Variants in TMTC4 observed in about 807,000 individuals in gnomAD.
TMTC4 encodes protein O-mannosyl-transferase TMTC4.
A neutral mutation model predicts 86.0 loss-of-function variants in TMTC4; 65 were observed. The observed-to-expected ratio is 0.76, with a 90% CI of 0.62 to 0.93. The LOEUF (loss-of-function observed/expected upper bound fraction) is 0.93. Ranked by LOEUF, TMTC4 falls within the 40% of genes least tolerant of loss-of-function variation. The pLI is 0.00. For missense variants in TMTC4, 866 were observed against 948.1 expected, an observed-to-expected ratio of 0.91 and a Z score of 1.14; for synonymous variants, 379 against 382.5, an observed-to-expected ratio of 0.99 and a Z score of 0.11.
At chr13:100,637,394 G>C in intron 9 of TMTC4, 144 bp downstream of exon 9, 1 of 1,111,708 alleles carries the variant, frequency 9.0e-7, no homozygotes, top group Non-Finnish European at 1.3e-6. Flanking sequence ...AACATCTTTA[G>C]TGATCGCAAG....
chr13:100,663,274 T>G (rs1886014016), intron 4 of TMTC4, 94 bp from the exon 5 acceptor site: 1 of 1,107,660 alleles, frequency 9.0e-7, no homozygotes, highest in East Asian at 2.5e-5. Flanking sequence ...GTGGAAATAT[T>G]AAAAGGAGAA....
At chr13:100,610,724 T>C (rs1215850560) in intron 17 of TMTC4, among the ~76,000 whole-genome samples, 4 of 152,200 alleles carry the variant, frequency 2.6e-5, no homozygotes, top group Non-Finnish European at 5.9e-5. Context: ...ATCCCCTTAA[T>C]AGAAATTCCA....
At chr13:100,637,111 T>C (rs571033011) in intron 9 of TMTC4, among the ~76,000 whole-genome samples, 2 of 152,208 alleles carry the variant, frequency 1.3e-5, no homozygotes, top group Non-Finnish European at 2.9e-5. Flanking sequence ...CTCTATGAAA[T>C]GCACAGCTAA....
At position 100,642,112 on chromosome 13, in the gene TMTC4, G is replaced by A. The variant is rs982831125; in HGVS notation, c.741+99C>T. 61 of 1,242,028 alleles carry A rather than the reference G, an allele frequency of 4.9e-5. No individual in the cohort carries two copies. The East Asian group carries it at 7.2e-4, about 15-fold the overall frequency. 76.9% of individuals were successfully genotyped at this position (1,242,028 alleles called of 1,614,324 possible). A position where few individuals can be genotyped will look rare whatever the true frequency, so the allele number is the denominator to read the frequency against. On this transcript the variant is annotated intron_variant, in intron 7 of 18. Transcript: ENST00000342624. ...CTCAGGCCAGCAATGGGATGTAGGC[G>A]TGGAGAACGCCACAGAGGCAGGGCC... is the stretch of plus-strand genomic sequence containing the variant.
At chr13:100,616,873 T>G (rs531898746) in intron 15 of TMTC4, among the ~76,000 whole-genome samples, 1 of 152,216 alleles carries the variant, frequency 6.6e-6, no homozygotes, top group East Asian at 1.9e-4. Context: ...GCTGTTTTTT[T>G]GCTTGTTGAT....
Position 100,623,640 on chromosome 13 carries a change from G to GTTTTTTTTTTTTTTTTTTTT in TMTC4, c.1836+1894_1836+1895insAAAAAAAAAAAAAAAAAAAA, listed in dbSNP as rs71200708. Among the ~76,000 whole-genome samples the GTTTTTTTTTTTTTTTTTTTT allele has an allele frequency of 2.1e-5, 2 of 96,166 alleles. 1 individual carries two copies. 63.1% of individuals were successfully genotyped at this position (96,166 alleles called of 152,430 possible). A position where few individuals can be genotyped will look rare whatever the true frequency, so the allele number is the denominator to read the frequency against. On this transcript the variant is annotated intron_variant, in intron 15 of 18. Coordinates refer to ENST00000342624, the MANE Select transcript of TMTC4 (RefSeq NM_032813.5). ...GTCAGTTTTGGAAACTACTAGTTGG[G>GTTTTTTTTTTTTTTTTTTTT]TTTTGTTTTTTTTTTTTTTTTTTTT...
intron 15 of TMTC4, chr13:100,625,236 C>T: frequency 1.1e-5 from 4 of 349,206 alleles, no homozygotes; most frequent in Non-Finnish European, 2.1e-5. Flanking sequence ...CAGGAAGTTA[C>T]CCATTGGAGT....
Position 100,617,127 on chromosome 13 carries a change from A to ATTTTTT in TMTC4, c.1837-2703_1837-2698dup, listed in dbSNP as rs35707709. ...AGTGTTTCCTAGGTTTTCTTCTAGG[A>ATTTTTT]TTTTTTTTTTTTTAAAGACAGGGTC... On this transcript the variant is annotated intron_variant, in intron 15 of 18. Transcript: ENST00000342624. Among the ~76,000 whole-genome samples, 548 of 147,858 alleles carry ATTTTTT rather than the reference A, an allele frequency of 3.7e-3. 2 individuals are homozygous for ATTTTTT. The highest frequency in any genetic ancestry group is 0.013 in the African/African-American group (526 of 40,304).
At chr13:100,672,867 C>T (rs1243688042) in intron 1 of TMTC4, among the ~76,000 whole-genome samples, 7 of 152,164 alleles carry the variant, frequency 4.6e-5, no homozygotes, top group Non-Finnish European at 1.0e-4. Context: ...CTAGGTTGAA[C>T]TTTCTGGTCC....
intron 12 of TMTC4, among the ~76,000 whole-genome samples, chr13:100,627,428 T>C (rs1880724433): frequency 6.6e-6 from 1 of 152,138 alleles, no homozygotes; most frequent in Admixed American, 6.5e-5. Flanking sequence ...GCAGGGCTGG[T>C]CCCATCACCG....
chr13:100,674,451 C>G (rs1280908031), intron 1 of TMTC4: 1 of 902,320 alleles, frequency 1.1e-6, no homozygotes, highest in East Asian at 1.2e-4. Flanking sequence ...GGGGCGGCGA[C>G]CTCTGCCCGG....
At chr13:100,612,983 A>AT (rs1419029727) in intron 16 of TMTC4, among the ~76,000 whole-genome samples, 1 of 152,222 alleles carries the variant, frequency 6.6e-6, no homozygotes, top group Non-Finnish European at 1.5e-5. Flanking sequence ...TTACTGACAC[A>AT]TAACTGTACA....
At chr13:100,633,215 A>C (rs1381761487) in intron 12 of TMTC4, among the ~76,000 whole-genome samples, 1 of 147,520 alleles carries the variant, frequency 6.8e-6, no homozygotes, top group South Asian at 2.2e-4. Context: ...AGGCTGAGGC[A>C]GGAGAATCGC....
At chr13:100,673,559 C>T (rs889258102) in intron 1 of TMTC4, among the ~76,000 whole-genome samples, 1 of 152,214 alleles carries the variant, frequency 6.6e-6, no homozygotes, top group African/African-American at 2.4e-5. Context: ...GACCCTGGGC[C>T]CCTCAAGGCA....
chr13:100,637,385 A>C (rs565348696), intron 9 of TMTC4, among the ~76,000 whole-genome samples, 153 bp downstream of exon 9: 5 of 152,274 alleles, frequency 3.3e-5, no homozygotes, highest in East Asian at 1.9e-4. Flanking sequence ...TCATCCCAGA[A>C]CATCTTTAGT....
intron 17 of TMTC4, among the ~76,000 whole-genome samples, chr13:100,607,614 A>C (rs1876864539): frequency 6.7e-6 from 1 of 149,864 alleles, no homozygotes; most frequent in Admixed American, 6.6e-5. Context: ...GTCATACATG[A>C]ATTTTTTCCA....
At chr13:100,614,926 C>T in intron 15 of TMTC4, 1 of 985,330 alleles carries the variant, frequency 1.0e-6, no homozygotes, top group South Asian at 4.7e-5. Context: ...GTGTCCAATT[C>T]ACCTTGTGAA....
chr13:100,662,084 G>A (rs143380570), intron 5 of TMTC4, among the ~76,000 whole-genome samples: 192 of 151,994 alleles, frequency 1.3e-3, no homozygotes, highest in African/African-American at 4.3e-3. Context: ...GAGGCAGCGC[G>A]ATGGGATGGA....
chr13:100,612,376 T>C (rs750477888), intron 17 of TMTC4, 22 bp downstream of exon 17: 1 of 1,565,436 alleles, frequency 6.4e-7, no homozygotes, highest in Non-Finnish European at 8.7e-7. Flanking sequence ...CTGCAAGAAC[T>C]CACAGCCTGC....
Sources: gnomAD v4.1 joint callset for allele counts (sites outside exome capture counted in the v4.1 genomes callset) on GRCh38, gnomAD v4.1.1 for gene constraint, MANE v1.5 for transcripts, NCBI Gene and HGNC (gene_info 2026-07-23, HGNC 2026-07-21) for gene names.